NAV3: variants seen among roughly 807,000 people sequenced by gnomAD.
The protein encoded by NAV3 is neuron navigator 3.
Under a neutral mutation model 244.7 loss-of-function variants are expected in NAV3, and 87 were observed. The observed-to-expected ratio is 0.36, with a 90% CI of 0.30 to 0.42. The LOEUF (loss-of-function observed/expected upper bound fraction) is 0.42. Among genes scored for constraint, NAV3 ranks in the 20% least tolerant of loss-of-function variants. NAV3 has a pLI of 1.00. For synonymous variants in NAV3, 1,126 were observed against 1,042.2 expected (o/e 1.08, Z -1.55); for missense variants, 2,663 against 2,893.3 (o/e 0.92, Z 1.83).
intron 2 of NAV3, among the ~76,000 whole-genome samples, chr12:77,616,931 G>C (rs1273239198): frequency 6.6e-6 from 1 of 152,018 alleles, no homozygotes; most frequent in Non-Finnish European, 1.5e-5. Flanking sequence ...ATTTTAACTT[G>C]TCACTGGTTT....
chr12:78,178,271 T>A (rs1160932636), intron 28 of NAV3, among the ~76,000 whole-genome samples: 1 of 151,658 alleles, frequency 6.6e-6, no homozygotes, highest in Non-Finnish European at 1.5e-5. Flanking sequence ...GCGATTCTCC[T>A]GTCTCAACCT....
At chr12:77,688,377 ATAT>A (rs1874856124) in intron 2 of NAV3, among the ~76,000 whole-genome samples, 1 of 151,960 alleles carries the variant, frequency 6.6e-6, no homozygotes. Context: ...TTCTTTCTTA[ATAT>A]TTTGATTACT....
intron 1 of NAV3, among the ~76,000 whole-genome samples, chr12:77,909,867 A>G (rs1241433933): frequency 6.6e-6 from 1 of 152,130 alleles, no homozygotes; most frequent in Non-Finnish European, 1.5e-5. Flanking sequence ...ATGTCTAAAA[A>G]TGGGTTTCAT....
At chr12:77,965,358 G>A (rs1466749572) in intron 3 of NAV3, among the ~76,000 whole-genome samples, 2 of 152,096 alleles carry the variant, frequency 1.3e-5, no homozygotes, top group Admixed American at 6.5e-5. Context: ...GGTGGCTCAC[G>A]CCTGTAATCC....
chr12:77,573,022 C>G (rs181667991), intron 2 of NAV3, among the ~76,000 whole-genome samples: 1 of 152,274 alleles, frequency 6.6e-6, no homozygotes, highest in East Asian at 1.9e-4. Flanking sequence ...CCCACTCGTA[C>G]TGAAATGTAT....
At chr12:77,927,580 A>G (rs1888342341) in intron 1 of NAV3, among the ~76,000 whole-genome samples, 1 of 152,222 alleles carries the variant, frequency 6.6e-6, no homozygotes, top group Admixed American at 6.5e-5. Flanking sequence ...AGTATTTAAA[A>G]TAGTGCTTAC....
intron 2 of NAV3, among the ~76,000 whole-genome samples, chr12:77,727,358 C>T (rs569020630): frequency 3.9e-5 from 6 of 151,902 alleles, no homozygotes; most frequent in Admixed American, 2.0e-4. Flanking sequence ...AGACAGCAAC[C>T]ATAGGCATGG....
chr12:77,674,917 C>T (rs1413451130), intron 2 of NAV3, among the ~76,000 whole-genome samples: 1 of 152,116 alleles, frequency 6.6e-6, no homozygotes, highest in Non-Finnish European at 1.5e-5. Context: ...TTGAACTGTA[C>T]TAAGTGCCAC....
intron 6 of NAV3, among the ~76,000 whole-genome samples, chr12:77,996,520 G>A (rs146855688): frequency 1.6e-4 from 25 of 152,160 alleles, no homozygotes; most frequent in East Asian, 3.9e-4. Flanking sequence ...GCTATTAACC[G>A]TTCTAAGAAA....
intron 28 of NAV3, 111 bp from the exon 29 acceptor site, chr12:78,179,418 C>T: frequency 7.7e-7 from 1 of 1,297,138 alleles, no homozygotes; most frequent in Non-Finnish European, 1.1e-6. Context: ...CAGCAGCACA[C>T]CATATCTGTA....
In NAV3 at chr12:78,121,803, C is replaced by A. The variant is rs1303604425; in HGVS notation, c.3750-137C>A. ...AAAGAAGTCCAAGCTTATAAAAGTT[C>A]ATTAACATAGAGACAGGAAGTGCTT... On this transcript the variant is annotated intron_variant, in intron 15 of 39. Transcript: ENST00000397909. 7 of 1,119,966 alleles carry A rather than the reference C, an allele frequency of 6.3e-6. No individual in the cohort carries two copies. The Admixed American group carries it at 1.6e-4, about 26-fold the overall frequency. The allele number at this position is 1,119,966 out of a possible 1,614,324, so 69.4% of individuals were successfully genotyped here. A position where few individuals can be genotyped will look rare whatever the true frequency, so the allele number is the denominator to read the frequency against.
At chr12:77,996,803 A>G (rs1039735041) in intron 6 of NAV3, among the ~76,000 whole-genome samples, 2 of 152,212 alleles carry the variant, frequency 1.3e-5, no homozygotes, top group Non-Finnish European at 2.9e-5. Flanking sequence ...ATTATAAAAA[A>G]TAGTGCTATA....
chr12:77,942,241 G>A (rs895049054), intron 3 of NAV3, among the ~76,000 whole-genome samples: 10 of 152,074 alleles, frequency 6.6e-5, no homozygotes, highest in South Asian at 6.2e-4. Flanking sequence ...GTGTGGTGGC[G>A]CATGCCTATA....
chr12:77,628,659 G>A (rs1027278782), intron 2 of NAV3, among the ~76,000 whole-genome samples: 1 of 151,934 alleles, frequency 6.6e-6, no homozygotes, highest in African/African-American at 2.4e-5. Flanking sequence ...CAAGGCAGGC[G>A]AATTGTTTGA....
Position 77,892,436 on chromosome 12 carries a change from G to C in NAV3, c.244-47883G>C, listed in dbSNP as rs189095758. Among the ~76,000 whole-genome samples, 183 of 147,808 alleles carry C rather than the reference G, an allele frequency of 1.2e-3. 1 individual carries two copies. The highest frequency in any genetic ancestry group is 4.5e-3 in the African/African-American group (182 of 40,146). ...CATTTGAATTTTTTTTTTTTTTTTA[G>C]ACAGAATCTTGCTCTGTCACCCATA... On this transcript the variant is annotated intron_variant, in intron 1 of 39. Transcript: ENST00000397909.
upstream of NAV3, among the ~76,000 whole-genome samples, chr12:77,830,289 G>C (rs1208444860): frequency 6.6e-6 from 1 of 152,138 alleles, no homozygotes; most frequent in Non-Finnish European, 1.5e-5. Flanking sequence ...CATTTTAAAA[G>C]ACAGGTTTAC....
intron 1 of NAV3, among the ~76,000 whole-genome samples, chr12:77,873,246 G>A (rs1881255610): frequency 6.6e-6 from 1 of 152,016 alleles, no homozygotes; most frequent in Admixed American, 6.6e-5. Context: ...TTTCTTCATA[G>A]CAGTATGAAA....
At chr12:77,641,212 T>A (rs1465666330) in intron 2 of NAV3, among the ~76,000 whole-genome samples, 1 of 152,090 alleles carries the variant, frequency 6.6e-6, no homozygotes, top group Non-Finnish European at 1.5e-5. Context: ...AAAGTCTGAG[T>A]ATCAAGTTGC....
chr12:77,781,490 A>G (rs543463050), intron 2 of NAV3, among the ~76,000 whole-genome samples: 1 of 152,204 alleles, frequency 6.6e-6, no homozygotes, highest in South Asian at 2.1e-4. Flanking sequence ...CTTTAAATCT[A>G]CCTATGACCT....
Sources: allele counts gnomAD v4.1 joint callset (sites outside exome capture counted in the v4.1 genomes callset), GRCh38; gene constraint gnomAD v4.1.1; transcripts MANE v1.5; gene names NCBI Gene and HGNC (gene_info 2026-07-23, HGNC 2026-07-21).